ADAMTS20: variants seen among roughly 807,000 people sequenced by gnomAD.
ADAMTS20 encodes A disintegrin and metalloproteinase with thrombospondin motifs 20.
In ADAMTS20, 225 loss-of-function variants were observed where a neutral mutation model predicts 260.1. That is an observed-to-expected ratio of 0.87 (90% CI 0.78 to 0.97). The LOEUF (loss-of-function observed/expected upper bound fraction) is 0.97, where lower values mean the gene tolerates loss of function less well. Ranked by LOEUF, ADAMTS20 falls within the 50% of genes least tolerant of loss-of-function variation. The pLI is 0.00. For synonymous variants in ADAMTS20, 802 were observed against 769.5 expected (o/e 1.04, Z -0.70); for missense variants, 2,400 against 2,337.7 (o/e 1.03, Z -0.55).
chr12:43,408,574 G>C (rs1940963267), intron 28 of ADAMTS20, among the ~76,000 whole-genome samples: 1 of 152,148 alleles, frequency 6.6e-6, no homozygotes, highest in Non-Finnish European at 1.5e-5. Context: ...AGTACTCTGA[G>C]ATGAGAAATA....
chr12:43,438,033 ATTTAAC>A (rs776052216), intron 18 of ADAMTS20, among the ~76,000 whole-genome samples: 12 of 152,306 alleles, frequency 7.9e-5, no homozygotes, highest in Admixed American at 2.0e-4. Flanking sequence ...AAAAGAGGGA[ATTTAAC>A]TTTAACTTTA....
intron 3 of ADAMTS20, among the ~76,000 whole-genome samples, chr12:43,523,933 T>C (rs890788291): frequency 1.3e-5 from 2 of 150,402 alleles, no homozygotes; most frequent in African/African-American, 4.9e-5. Context: ...TATGGCCCCA[T>C]ACATCACCCA....
intron 28 of ADAMTS20, among the ~76,000 whole-genome samples, chr12:43,408,963 A>C (rs1940971924): frequency 6.6e-6 from 1 of 152,200 alleles, no homozygotes; most frequent in African/African-American, 2.4e-5. Flanking sequence ...TAGATAATGT[A>C]TGAAGAAACC....
In ADAMTS20 at chr12:43,375,449, A is replaced by T. The variant is rs1326328426; in HGVS notation, c.5376T>A (p.Asn1792Lys). 6.2e-7 allele frequency: 1 copy of T among 1,613,490 alleles called. No individual in the cohort carries two copies. Among genetic ancestry groups the T allele is most frequent in the Non-Finnish European group, 8.5e-7 (1 of 1,179,510 alleles). Residue 1792 changes from asparagine to lysine, a missense_variant, in exon 36 of 39, where the codon AAT becomes AAA. Physicochemically the swap from Asn to Lys is moderately conservative, Grantham distance 94. Transcript: ENST00000389420. Reference sequence around the variant, plus strand: ...CAGTGTATCCAGCAGCTAAGTGTCCATTGTCACATTCACAGTCTTCCCTTC... The same window carrying T: ...CAGTGTATCCAGCAGCTAAGTGTCCTTTGTCACATTCACAGTCTTCCCTTC... ...GSRREDCECDNGHLAAGYTVF... is the reference protein window; with the variant it reads ...GSRREDCECDKGHLAAGYTVF...
chr12:43,491,769 G>A (rs1473017365), intron 6 of ADAMTS20, among the ~76,000 whole-genome samples: 2 of 152,094 alleles, frequency 1.3e-5, no homozygotes, highest in Admixed American at 1.3e-4. Context: ...AAAGGAAAGG[G>A]AGTCCAAAAA....
In ADAMTS20 at chr12:43,490,392, T is replaced by C. The variant is rs768217613; in HGVS notation, c.1117+3A>G. ...GCTAAACTTAATTGACAAAATAACT[T>C]ACCTAACATGTTACATTTCTCTTTA... On this transcript the variant is annotated splice_donor_region_variant and intron_variant, in intron 7 of 38. Transcript: ENST00000389420. 8.1e-7 allele frequency: 1 copy of C among 1,241,488 alleles called. No homozygotes were observed. The highest frequency in any genetic ancestry group is 1.1e-6 in the Non-Finnish European group (1 of 910,940). The allele number at this position is 1,241,488 out of a possible 1,614,324, so 76.9% of individuals were successfully genotyped here. A position where few individuals can be genotyped will look rare whatever the true frequency, so the allele number is the denominator to read the frequency against.
chr12:43,373,838 C>A (rs1465859860), intron 36 of ADAMTS20, among the ~76,000 whole-genome samples: 1 of 151,192 alleles, frequency 6.6e-6, no homozygotes, highest in Non-Finnish European at 1.5e-5. Flanking sequence ...CGCCACTACG[C>A]CCGGCTAATT....
Position 43,551,754 on chromosome 12 carries a change from C to T in ADAMTS20, c.91+77G>A, listed in dbSNP as rs1402952611. On this transcript the variant is annotated intron_variant, in intron 1 of 38. Transcript: ENST00000389420. This position sits in a 1 kb window ranked among gnomAD's most constrained non-coding sequence, Gnocchi z 4.6. Reference sequence around the variant, plus strand: ...GCGTTCCCCAACGGGCTGAGCCGCTCGTCCCCGCGACCTGCATGTCCCACT... The same window carrying T: ...GCGTTCCCCAACGGGCTGAGCCGCTTGTCCCCGCGACCTGCATGTCCCACT... 1 of 1,450,312 alleles carries T rather than the reference C, an allele frequency of 6.9e-7. No individual in the cohort carries two copies. The highest frequency in any genetic ancestry group is 9.6e-7 in the Non-Finnish European group (1 of 1,040,814). 89.8% of individuals were successfully genotyped at this position (1,450,312 alleles called of 1,614,324 possible).
Position 43,502,101 on chromosome 12 carries a change from C to A in ADAMTS20, c.867+51G>T. 4 of 1,459,722 alleles carry A rather than the reference C, an allele frequency of 2.7e-6. No homozygotes were observed. The South Asian group carries it at 4.2e-5, about 15-fold the overall frequency. The allele number at this position is 1,459,722 out of a possible 1,614,324, so 90.4% of individuals were successfully genotyped here. ...AATTTAATTCGACATGAAAAAATTT[C>A]ATTAAGCTAAACATTTTAGGAAATA... On this transcript the variant is annotated intron_variant, in intron 4 of 38. Transcript: ENST00000389420.
intron 3 of ADAMTS20, among the ~76,000 whole-genome samples, chr12:43,507,138 G>A (rs575537611): frequency 6.6e-6 from 1 of 152,188 alleles, no homozygotes; most frequent in African/African-American, 2.4e-5. Flanking sequence ...GTAACTCTGT[G>A]AGGTGATGAT....
At chr12:43,394,720 G>A (rs769142991) in intron 29 of ADAMTS20, among the ~76,000 whole-genome samples, 1 of 152,068 alleles carries the variant, frequency 6.6e-6, no homozygotes, top group Non-Finnish European at 1.5e-5. Flanking sequence ...ATAAGGATGA[G>A]CTAATGTATA....
chr12:43,550,879 GA>G, intron 2 of ADAMTS20, 29 bp downstream of exon 2: 1 of 1,499,722 alleles, frequency 6.7e-7, no homozygotes, highest in Non-Finnish European at 8.9e-7. Context: ...TGGATCCCAA[GA>G]AAATGCCAAG....
rs1186105904 is a variant in ADAMTS20, at chr12:43,460,989, T to A, written c.1614+1906A>T. Reference sequence around the variant, plus strand: ...TTATATATATATATATATATATATATTTTTTTTTTTTTTTTTTTTTTTGAG... The same window carrying A: ...TTATATATATATATATATATATATAATTTTTTTTTTTTTTTTTTTTTTGAG... On this transcript the variant is annotated intron_variant, in intron 11 of 38. Coordinates refer to ENST00000389420, the MANE Select transcript of ADAMTS20 (RefSeq NM_025003.5). Among the ~76,000 whole-genome samples, 3 of 25,922 alleles carry A rather than the reference T, an allele frequency of 1.2e-4. 1 individual carries two copies. The Admixed American group carries it at 2.3e-3, about 20-fold the overall frequency. The allele number at this position is 25,922 out of a possible 152,430, so 17.0% of individuals were successfully genotyped here.
At chr12:43,441,240 T>C (rs1941660932) in intron 16 of ADAMTS20, among the ~76,000 whole-genome samples, 1 of 152,032 alleles carries the variant, frequency 6.6e-6, no homozygotes, top group Non-Finnish European at 1.5e-5. Flanking sequence ...TCTCTGTTCA[T>C]GTCCCCTTCT....
At chr12:43,463,691 C>T (rs552045448) in intron 10 of ADAMTS20, among the ~76,000 whole-genome samples, 85 of 152,214 alleles carry the variant, frequency 5.6e-4, no homozygotes, top group Non-Finnish European at 1.0e-3. Flanking sequence ...GAAGAATAGT[C>T]GCTATATGAA....
Position 43,502,263 on chromosome 12 carries a change from T to A in ADAMTS20, c.756A>T (p.Lys252Asn). Reference sequence around the variant, plus strand: ...TGTATCTTGGATATGATATAAGACGTTTTTTCCTGGAATGTCTTCTTTCAT... The same window carrying A: ...TGTATCTTGGATATGATATAAGACGATTTTTCCTGGAATGTCTTCTTTCAT... Reference protein sequence around the residue: ...LKDERRHSRKKRLISYPRYIE... With the variant: ...LKDERRHSRKNRLISYPRYIE... The change falls in exon 4 of 39, where the codon AAA becomes AAT. Residue 252 changes from lysine (K) to asparagine (N), a missense_variant. Lys to Asn is a moderately conservative substitution (Grantham distance 94). Coordinates refer to ENST00000389420, the MANE Select transcript of ADAMTS20 (RefSeq NM_025003.5). The A allele has an allele frequency of 5.0e-6, 8 of 1,612,106 alleles. No homozygotes were observed. Among genetic ancestry groups the A allele is most frequent in the Non-Finnish European group, 6.8e-6 (8 of 1,179,308 alleles).
chr12:43,542,512 AT>A (rs1943390292), intron 2 of ADAMTS20, among the ~76,000 whole-genome samples: 1 of 20,448 alleles, frequency 4.9e-5, no homozygotes, highest in Non-Finnish European at 2.4e-4. Flanking sequence ...GGGCCAATCT[AT>A]TGTTTTTTTT....
chr12:43,452,128 A>T, intron 14 of ADAMTS20, 146 bp downstream of exon 14: 2 of 785,598 alleles, frequency 2.5e-6, no homozygotes, highest in Non-Finnish European at 3.8e-6. Flanking sequence ...ATACTTCTAT[A>T]GATAGCATGA....
intron 18 of ADAMTS20, among the ~76,000 whole-genome samples, 164 bp from the exon 19 acceptor site, chr12:43,434,535 C>CT (rs11428208): frequency 0.7 from 106,168 of 152,016 alleles, 37,478 homozygotes; most frequent in East Asian, 1. Context: ...TGAGGAATGA[C>CT]TTTTATAATA....
Sources: allele counts gnomAD v4.1 joint callset (sites outside exome capture counted in the v4.1 genomes callset), GRCh38; gene constraint gnomAD v4.1.1; non-coding constraint Gnocchi (gnomAD v3.1); transcripts MANE v1.5; gene names NCBI Gene and HGNC (gene_info 2026-07-23, HGNC 2026-07-21).